The following SRR variants were observed in gnomAD, a reference collection of about 807,000 sequenced individuals.
SRR encodes D-serine ammonia-lyase.
In SRR, 19 loss-of-function variants were observed where a neutral mutation model predicts 32.7. The ratio of observed to expected loss-of-function variants is 0.58; its 90% CI spans 0.40 to 0.85. The LOEUF (loss-of-function observed/expected upper bound fraction) is 0.85. SRR is among the 40% of genes least tolerant of loss of function. SRR has a pLI of 0.00. For missense variants in SRR, 373 were observed against 404.7 expected, an observed-to-expected ratio of 0.92 and a Z score of 0.67; for synonymous variants, 142 against 140.9, an observed-to-expected ratio of 1.01 and a Z score of -0.06.
intron 3 of SRR, among the ~76,000 whole-genome samples, chr17:2,318,543 C>A (rs372761077): frequency 4.7e-5 from 7 of 148,756 alleles, no homozygotes; most frequent in Admixed American, 2.0e-4. Flanking sequence ...CGGCTCACTG[C>A]AAGCTCCACC....
chr17:2,323,798 T>G lies in SRR; in HGVS notation c.948T>G (p.Asn316Lys), dbSNP rs1249722026. The change falls in exon 8 of 8, where the codon AAT becomes AAG. Residue 316 changes from asparagine to lysine, a missense_variant. By Grantham distance (94) the Asn-to-Lys change is moderately conservative (BLOSUM62 0). Transcript: ENST00000344595. ...KNICIVLSGG[N>K]VDLTSSITWV... ...TTTGTATTGTGCTCAGTGGTGGAAATGTAGACTTAACCTCCTCCATAACTT... is the reference window on the plus strand; with the variant it reads ...TTTGTATTGTGCTCAGTGGTGGAAAGGTAGACTTAACCTCCTCCATAACTT... 1 of 1,614,182 alleles carries G rather than the reference T, an allele frequency of 6.2e-7. No individual in the cohort carries two copies. The highest frequency in any genetic ancestry group is 2.2e-5 in the East Asian group (1 of 44,882).
At chr17:2,306,016 A>T (rs1459348574) in intron 1 of SRR, among the ~76,000 whole-genome samples, 1 of 148,090 alleles carries the variant, frequency 6.8e-6, no homozygotes, top group Non-Finnish European at 1.5e-5. Flanking sequence ...CAGTTTCTAA[A>T]AGTAAAAATT....
At chr17:2,311,122 C>G (rs541226227) in intron 1 of SRR, among the ~76,000 whole-genome samples, 1 of 151,842 alleles carries the variant, frequency 6.6e-6, no homozygotes, top group East Asian at 2.0e-4. Flanking sequence ...CTCCTGATCT[C>G]AAGTGATCCA....
At chr17:2,303,585 G>C, upstream of SRR, 2 of 1,377,214 alleles carry the variant, frequency 1.5e-6, no homozygotes, top group South Asian at 3.2e-5. Context: ...GGAGGAGAGG[G>C]AGGCGGGGCG....
In SRR at chr17:2,324,632, A is replaced by C; in HGVS notation, c.*759A>C. The stretch of plus-strand genomic sequence containing the variant: ...ATGAAACATTTACCCACAAAATGTA[A>C]ACCCAACCTTTATACCACAAAGGCA... On this transcript the variant is annotated 3_prime_UTR_variant, in exon 8 of 8. Transcript: ENST00000344595. 6.2e-7 allele frequency: 1 copy of C among 1,614,066 alleles called. No homozygotes were observed. The highest frequency in any genetic ancestry group is 1.1e-5 in the South Asian group (1 of 91,076).
rs375441326 is a variant in SRR, at chr17:2,323,904, T to G, written c.*31T>G. 4.4e-6 allele frequency: 7 copies of G among 1,585,248 alleles called. No individual in the cohort carries two copies. In the African/African-American group the frequency reaches 9.4e-5, roughly 21 times the overall value. Reference sequence around the variant, plus strand: ...AGAAAAGGAAATGGTGGGAATTCAGTGTCTTTAGATACTGAAGACATTTTG... The same window carrying G: ...AGAAAAGGAAATGGTGGGAATTCAGGGTCTTTAGATACTGAAGACATTTTG... On this transcript the variant is annotated 3_prime_UTR_variant, in exon 8 of 8. Coordinates refer to ENST00000344595, the MANE Select transcript of SRR (RefSeq NM_021947.3).
At position 2,323,251 on chromosome 17, in the gene SRR, C is replaced by G. The variant is rs1372818564; in HGVS notation, c.710C>G (p.Ala237Gly). 10 of 1,614,098 alleles carry G rather than the reference C, an allele frequency of 6.2e-6. No individual in the cohort carries two copies. The highest frequency in any genetic ancestry group is 8.5e-6 in the Non-Finnish European group (10 of 1,180,044). Reference protein sequence around the residue: ...MPNLYPPETIADGVKSSIGLN... With the variant: ...MPNLYPPETIGDGVKSSIGLN... ...AATCTTTATCCTCCAGAAACCATAG[C>G]AGATGGTGTCAAATCCAGCATTGGC... is the stretch of plus-strand genomic sequence containing the variant. The change falls in exon 7 of 8, where the codon GCA (alanine) becomes GGA (glycine). Residue 237 changes from alanine to glycine, a missense_variant. By Grantham distance (60) the Ala-to-Gly change is moderately conservative. Coordinates refer to ENST00000344595, the MANE Select transcript of SRR (RefSeq NM_021947.3).
chr17:2,316,632 TTTGGGAG>T (rs1488902050), intron 2 of SRR, among the ~76,000 whole-genome samples: 2 of 152,198 alleles, frequency 1.3e-5, no homozygotes, highest in Admixed American at 1.3e-4. Context: ...ATCCCAGCAC[TTTGGGAG>T]GCTGAGGCAG....
Position 2,324,838 on chromosome 17 carries a change from C to T in SRR, c.*965C>T. 4 of 1,601,236 alleles carry T rather than the reference C, an allele frequency of 2.5e-6. No homozygotes were observed. The highest frequency in any genetic ancestry group is 3.4e-6 in the Non-Finnish European group (4 of 1,176,400). On this transcript the variant is annotated 3_prime_UTR_variant, in exon 8 of 8. Transcript: ENST00000344595. ...AATGAGGCTGTGCATTCCTAAAGGA[C>T]AAAAGCAAAGAAGCTATTTAGGAAT... is the stretch of plus-strand genomic sequence containing the variant.
chr17:2,324,693 G>T lies in SRR; in HGVS notation c.*820G>T, dbSNP rs200831927. Reference sequence around the variant, plus strand: ...ATCCTCCTCCTTCATACCCACCTCTGTTGAAGAACATGTAACGTACTACTG... The same window carrying T: ...ATCCTCCTCCTTCATACCCACCTCTTTTGAAGAACATGTAACGTACTACTG... On this transcript the variant is annotated 3_prime_UTR_variant, in exon 8 of 8. Transcript: ENST00000344595. The T allele has an allele frequency of 1.7e-5, 27 of 1,614,050 alleles. No homozygotes were observed. The Admixed American group carries it at 4.0e-4, about 24-fold the overall frequency.
At chr17:2,319,239 ATCT>A (rs2075504176) in intron 4 of SRR, among the ~76,000 whole-genome samples, 1 of 152,144 alleles carries the variant, frequency 6.6e-6, no homozygotes, top group African/African-American at 2.4e-5. Flanking sequence ...CAAACTCCTG[ATCT>A]TACTTCCCTA....
chr17:2,319,105 T>C (rs1387445422), intron 4 of SRR, among the ~76,000 whole-genome samples, 176 bp downstream of exon 4: 1 of 152,168 alleles, frequency 6.6e-6, no homozygotes, highest in African/African-American at 2.4e-5. Flanking sequence ...ATTTCTTAAA[T>C]TATTACCTAT....
chr17:2,322,946 G>C (rs2075545347), intron 6 of SRR, 190 bp from the exon 7 acceptor site: 2 of 574,036 alleles, frequency 3.5e-6, no homozygotes, highest in Non-Finnish European at 6.2e-6. Flanking sequence ...CCTATTTTTA[G>C]TTGACACTGC....
upstream of SRR, chr17:2,303,732 C>T (rs2075345339): frequency 6.7e-7 from 1 of 1,489,484 alleles, no homozygotes; most frequent in African/African-American, 1.5e-5. Context: ...TTCGCGGCTG[C>T]TGCTACAGCC....
chr17:2,304,548 CT>C (rs1567771505), intron 1 of SRR, among the ~76,000 whole-genome samples: 1 of 151,602 alleles, frequency 6.6e-6, no homozygotes, highest in African/African-American at 2.4e-5. Context: ...CGGCCGCCCC[CT>C]GACTTTTAAA....
intron 1 of SRR, among the ~76,000 whole-genome samples, chr17:2,310,282 T>TC (rs1400970296): frequency 6.6e-6 from 1 of 152,138 alleles, no homozygotes; most frequent in Non-Finnish European, 1.5e-5. Context: ...AGGAATGGAA[T>TC]CGGTAGATCA....
intron 4 of SRR, among the ~76,000 whole-genome samples, chr17:2,319,173 G>A (rs928671324): frequency 1.3e-5 from 2 of 152,050 alleles, no homozygotes; most frequent in Non-Finnish European, 2.9e-5. Context: ...TTATATAACA[G>A]CTACCTAACT....
chr17:2,323,030 G>T, intron 6 of SRR, 106 bp from the exon 7 acceptor site: 1 of 1,191,218 alleles, frequency 8.4e-7, no homozygotes, highest in Non-Finnish European at 1.2e-6. Context: ...CTCCCAAAGT[G>T]TTGGGATTAC....
intron 1 of SRR, among the ~76,000 whole-genome samples, chr17:2,314,761 A>T (rs2075458597): frequency 6.7e-6 from 1 of 150,364 alleles, no homozygotes; most frequent in Non-Finnish European, 1.5e-5. Context: ...CTCAAAAAAC[A>T]AAAAAAAAGA....
Sources: allele counts gnomAD v4.1 joint callset (sites outside exome capture counted in the v4.1 genomes callset), GRCh38; gene constraint gnomAD v4.1.1; transcripts MANE v1.5; gene names NCBI Gene and HGNC (gene_info 2026-07-23, HGNC 2026-07-21).